SEMA5A: variants seen among roughly 807,000 people sequenced by gnomAD.
SEMA5A encodes semaphorin 5A.
In SEMA5A, 55 loss-of-function variants were observed where a neutral mutation model predicts 135.5. That is an observed-to-expected ratio of 0.41 (90% CI 0.33 to 0.51). SEMA5A has a LOEUF of 0.51. Among genes scored for constraint, SEMA5A ranks in the 20% least tolerant of loss-of-function variants. SEMA5A has a pLI of 0.37. For missense variants in SEMA5A, 1,290 were observed against 1,419.9 expected (o/e 0.91, Z 1.47); for synonymous variants, 580 against 546.5 (o/e 1.06, Z -0.85).
At chr5:9,208,516 G>A (rs762967999) in intron 8 of SEMA5A, among the ~76,000 whole-genome samples, 4 of 152,178 alleles carry the variant, frequency 2.6e-5, no homozygotes, top group Admixed American at 6.5e-5. Flanking sequence ...GAGGGCCAGG[G>A]CAGCTGGGAG....
chr5:9,187,209 T>TA (rs201460141), intron 11 of SEMA5A, among the ~76,000 whole-genome samples: 34 of 150,982 alleles, frequency 2.3e-4, no homozygotes, highest in Middle Eastern at 3.4e-3. Context: ...GACTGTATGT[T>TA]AAAAAAAAAT....
chr5:9,295,220 T>C (rs1037608725), intron 5 of SEMA5A, among the ~76,000 whole-genome samples: 2 of 152,184 alleles, frequency 1.3e-5, no homozygotes, highest in African/African-American at 4.8e-5. Context: ...GATTTGGGGA[T>C]TTCCATTATT....
intron 1 of SEMA5A, among the ~76,000 whole-genome samples, chr5:9,528,966 G>A (rs889334583): frequency 6.6e-6 from 1 of 152,228 alleles, no homozygotes; most frequent in Non-Finnish European, 1.5e-5. Flanking sequence ...GGGCTTTAGG[G>A]ATAGCTGGTT....
chr5:9,137,243 A>G (rs1741809956), intron 12 of SEMA5A, among the ~76,000 whole-genome samples: 1 of 152,246 alleles, frequency 6.6e-6, no homozygotes, highest in African/African-American at 2.4e-5. Flanking sequence ...AAATAGGAGC[A>G]TCTTTCATTT....
chr5:9,156,729 CAG>C (rs1282502863), intron 11 of SEMA5A, among the ~76,000 whole-genome samples: 1 of 152,212 alleles, frequency 6.6e-6, no homozygotes, highest in African/African-American at 2.4e-5. Context: ...GCATGGGAAA[CAG>C]AGTTTACAGA....
chr5:9,289,814 G>T (rs1197521559), intron 5 of SEMA5A, among the ~76,000 whole-genome samples: 2 of 151,786 alleles, frequency 1.3e-5, no homozygotes, highest in African/African-American at 4.9e-5. Context: ...AATATCTTGT[G>T]CTCAAAAATT....
At chr5:9,069,046 A>C (rs1737631623) in intron 16 of SEMA5A, among the ~76,000 whole-genome samples, 1 of 152,278 alleles carries the variant, frequency 6.6e-6, no homozygotes, top group South Asian at 2.1e-4. Context: ...AGGGAAGCTC[A>C]CTGGAGACTT....
intron 5 of SEMA5A, among the ~76,000 whole-genome samples, chr5:9,292,583 T>G (rs2150587950): frequency 6.6e-6 from 1 of 152,292 alleles, no homozygotes; most frequent in South Asian, 2.1e-4. Context: ...ACAGAAATAT[T>G]AACTATTCTA....
At chr5:9,120,527 G>A (rs1258020701) in intron 14 of SEMA5A, among the ~76,000 whole-genome samples, 1 of 151,818 alleles carries the variant, frequency 6.6e-6, no homozygotes, top group African/African-American at 2.4e-5. Flanking sequence ...CACACAATAA[G>A]ACAAATCTTC....
At chr5:9,454,923 T>C (rs1350801944) in intron 1 of SEMA5A, among the ~76,000 whole-genome samples, 1 of 152,344 alleles carries the variant, frequency 6.6e-6, no homozygotes, top group East Asian at 1.9e-4. Context: ...TGTTCTCAGA[T>C]TCAGAGATGT....
chr5:9,167,159 GC>G (rs1355131518), intron 11 of SEMA5A, among the ~76,000 whole-genome samples: 1 of 152,148 alleles, frequency 6.6e-6, no homozygotes, highest in Non-Finnish European at 1.5e-5. Context: ...TTTCTCAGTG[GC>G]TACATTACAC....
intron 5 of SEMA5A, among the ~76,000 whole-genome samples, chr5:9,313,002 G>A (rs931760656): frequency 3.9e-5 from 6 of 152,114 alleles, no homozygotes; most frequent in African/African-American, 7.2e-5. Context: ...GCACTAAGGT[G>A]GTGTCCCCGT....
At chr5:9,275,963 C>T (rs1750239965) in intron 5 of SEMA5A, among the ~76,000 whole-genome samples, 1 of 152,230 alleles carries the variant, frequency 6.6e-6, no homozygotes, top group East Asian at 1.9e-4. Flanking sequence ...CTGGCCAGGG[C>T]AATCAGGCAA....
chr5:9,099,370 A>T (rs1488194620), intron 16 of SEMA5A, among the ~76,000 whole-genome samples: 3 of 152,088 alleles, frequency 2.0e-5, no homozygotes, highest in East Asian at 3.8e-4. Context: ...ATATTTTATT[A>T]AAAAAAAGAA....
intron 5 of SEMA5A, among the ~76,000 whole-genome samples, chr5:9,281,817 C>A (rs1416850343): frequency 7.9e-6 from 1 of 126,016 alleles, no homozygotes; most frequent in African/African-American, 3.0e-5. Flanking sequence ...CTTTGGGATA[C>A]AGGCACTTTT....
At chr5:9,055,386 C>T (rs1328859186) in intron 18 of SEMA5A, among the ~76,000 whole-genome samples, 3 of 152,200 alleles carry the variant, frequency 2.0e-5, no homozygotes, top group Non-Finnish European at 4.4e-5. Flanking sequence ...GAGAGACTCA[C>T]TATTGCTGTA....
intron 5 of SEMA5A, among the ~76,000 whole-genome samples, chr5:9,311,628 G>A (rs1468134041): frequency 6.6e-6 from 1 of 151,638 alleles, no homozygotes. Flanking sequence ...AACATTAGGA[G>A]ATATACCTAA....
At chr5:9,511,915 G>T (rs1561310962) in intron 1 of SEMA5A, 1 of 152,156 alleles carries the variant, frequency 6.6e-6, no homozygotes, top group Non-Finnish European at 1.5e-5. Context: ...ATAAATAATA[G>T]TATGTAACAC....
At chr5:9,459,259 C>T (rs1758964989) in intron 1 of SEMA5A, among the ~76,000 whole-genome samples, 1 of 152,230 alleles carries the variant, frequency 6.6e-6, no homozygotes, top group Non-Finnish European at 1.5e-5. Flanking sequence ...CTGCATGATC[C>T]CTTGAGGGTA....
Sources: allele counts gnomAD v4.1 joint callset (sites outside exome capture counted in the v4.1 genomes callset), GRCh38; gene constraint gnomAD v4.1.1; transcripts MANE v1.5; gene names NCBI Gene and HGNC (gene_info 2026-07-23, HGNC 2026-07-21).